Variants in FAM168A observed in about 807,000 individuals in gnomAD.
FAM168A encodes family with sequence similarity 168 member A.
A neutral mutation model predicts 28.5 loss-of-function variants in FAM168A; 3 were observed. That is an observed-to-expected ratio of 0.11 (90% confidence interval 0.05 to 0.27). The LOEUF (loss-of-function observed/expected upper bound fraction) is 0.27. FAM168A is among the 10% of genes least tolerant of loss of function. The pLI is 1.00. For synonymous variants in FAM168A, 122 were observed against 124.2 expected, an observed-to-expected ratio of 0.98 and a Z score of 0.12; for missense variants, 222 against 311.5, an observed-to-expected ratio of 0.71 and a Z score of 2.16.
chr11:73,494,221 C>A (rs959502261), intron 1 of FAM168A, among the ~76,000 whole-genome samples: 2 of 152,086 alleles, frequency 1.3e-5, no homozygotes, highest in Non-Finnish European at 2.9e-5. Context: ...TTAATTTAAG[C>A]CCTTCATTTT....
intron 1 of FAM168A, among the ~76,000 whole-genome samples, chr11:73,545,002 A>T (rs1328195442): frequency 1.2e-5 from 1 of 80,764 alleles, no homozygotes; most frequent in African/African-American, 7.9e-5. Flanking sequence ...TAGTATATAT[A>T]ATATACTATA....
rs182180860 is a variant in FAM168A, at chr11:73,455,530, A to G, written c.70+12875T>C. 2.2e-4 allele frequency among the ~76,000 whole-genome samples: 34 copies of G among 152,294 alleles called. No individual in the cohort carries two copies. The East Asian group carries it at 6.4e-3, about 28-fold the overall frequency. On this transcript the variant is annotated intron_variant, in intron 2 of 7. Coordinates refer to ENST00000356467, the MANE Select transcript of FAM168A (RefSeq NM_015159.3). The stretch of plus-strand genomic sequence containing the variant: ...GAATACAGTGGCACATCCCTCTGAG[A>G]TAGTATTTGTCTCAGTGTATTCTGT...
intron 1 of FAM168A, among the ~76,000 whole-genome samples, chr11:73,539,267 A>ATTTTTT (rs140148477): frequency 2.0e-5 from 3 of 152,036 alleles, no homozygotes; most frequent in Middle Eastern, 3.4e-3. Context: ...TTATTTATTT[A>ATTTTTT]TTTTTTTATT....
At chr11:73,481,643 G>A (rs1281372518) in intron 1 of FAM168A, among the ~76,000 whole-genome samples, 1 of 152,026 alleles carries the variant, frequency 6.6e-6, no homozygotes, top group Non-Finnish European at 1.5e-5. Flanking sequence ...TATCTCCTTA[G>A]TCCAATAAAG....
intron 1 of FAM168A, among the ~76,000 whole-genome samples, chr11:73,500,195 A>G (rs1331298928): frequency 6.6e-6 from 1 of 151,958 alleles, no homozygotes; most frequent in Non-Finnish European, 1.5e-5. Context: ...TCTTCAAGCC[A>G]GAAGAGATTG....
At chr11:73,436,398 GCTTA>G in intron 2 of FAM168A, among the ~76,000 whole-genome samples, 1 of 152,216 alleles carries the variant, frequency 6.6e-6, no homozygotes, top group South Asian at 2.1e-4. Context: ...AGACAAAGAG[GCTTA>G]CTTCTTTGTG....
chr11:73,435,091 T>C (rs1867065177), intron 2 of FAM168A, among the ~76,000 whole-genome samples: 8 of 152,254 alleles, frequency 5.3e-5, no homozygotes, highest in Admixed American at 5.2e-4. Context: ...TAAAAGCTTC[T>C]TTGGGATTTG....
At chr11:73,459,879 ATTTTTTTTT>A (rs918564469) in intron 2 of FAM168A, among the ~76,000 whole-genome samples, 1 of 108,456 alleles carries the variant, frequency 9.2e-6, no homozygotes, top group Non-Finnish European at 1.8e-5. Flanking sequence ...ATCCAAATGA[ATTTTTTTTT>A]TTTTTTTTTT....
At chr11:73,431,382 A>C (rs559575149) in intron 2 of FAM168A, among the ~76,000 whole-genome samples, 2 of 149,646 alleles carry the variant, frequency 1.3e-5, no homozygotes, top group East Asian at 3.9e-4. Flanking sequence ...TGGAAGCAAC[A>C]TTGAAGTTTA....
At chr11:73,542,435 T>C (rs1228135115) in intron 1 of FAM168A, among the ~76,000 whole-genome samples, 1 of 152,206 alleles carries the variant, frequency 6.6e-6, no homozygotes, top group Non-Finnish European at 1.5e-5. Context: ...ATAATCCTCA[T>C]CTAATCTATC....
chr11:73,547,063 T>C (rs995064683), intron 1 of FAM168A, among the ~76,000 whole-genome samples: 10 of 143,540 alleles, frequency 7.0e-5, no homozygotes, highest in African/African-American at 7.8e-5. Context: ...GGTGGGAAGA[T>C]TGCTTGAGCC....
intron 1 of FAM168A, among the ~76,000 whole-genome samples, chr11:73,581,040 A>C (rs10501411): frequency 0.11 from 16,403 of 152,234 alleles, 995 homozygotes; most frequent in African/African-American, 0.15. Flanking sequence ...TCTTCAGGTA[A>C]ATTCTGTCAC....
chr11:73,478,040 G>T (rs1390882594), intron 1 of FAM168A, among the ~76,000 whole-genome samples: 1 of 152,116 alleles, frequency 6.6e-6, no homozygotes, highest in Non-Finnish European at 1.5e-5. Context: ...CTATAAAACT[G>T]AATTGTTGGC....
chr11:73,486,978 T>C (rs917764331), intron 1 of FAM168A, among the ~76,000 whole-genome samples: 2 of 152,188 alleles, frequency 1.3e-5, no homozygotes, highest in Admixed American at 1.3e-4. Context: ...ATTTATATCA[T>C]CCACATTGAT....
intron 1 of FAM168A, among the ~76,000 whole-genome samples, chr11:73,561,619 T>C (rs1220300505): frequency 6.6e-6 from 1 of 152,190 alleles, no homozygotes; most frequent in East Asian, 1.9e-4. Flanking sequence ...CCCTAATAAG[T>C]ACATTAAAAT....
At chr11:73,415,450 C>T (rs1051463668) in intron 4 of FAM168A, among the ~76,000 whole-genome samples, 1 of 152,196 alleles carries the variant, frequency 6.6e-6, no homozygotes, top group African/African-American at 2.4e-5. Context: ...GGAGAAACTG[C>T]CTGGGGGCCC....
chr11:73,535,663 C>T (rs139900301), intron 1 of FAM168A, among the ~76,000 whole-genome samples: 1,969 of 151,724 alleles, frequency 0.013, 17 homozygotes, highest in Non-Finnish European at 0.021. Context: ...TCATGATCTG[C>T]CTGCCTTGGC....
At position 73,469,765 on chromosome 11, in the gene FAM168A, AGTTAAACTT is replaced by A. The variant is rs555423684; in HGVS notation, c.-18-1282_-18-1274del. Among the ~76,000 whole-genome samples the A allele has an allele frequency of 6.2e-4, 95 of 152,340 alleles. 2 individuals are homozygous for A. The South Asian group carries it at 0.019, about 31-fold the overall frequency. ...GTTAAAGGAGTTATATATATATTTC[AGTTAAACTT>A]AAGGGAAAAAAATATTCTCACAGCC... On this transcript the variant is annotated intron_variant, in intron 1 of 7. Transcript: ENST00000356467.
chr11:73,507,635 T>A (rs1055113612), intron 1 of FAM168A, among the ~76,000 whole-genome samples: 3 of 152,150 alleles, frequency 2.0e-5, no homozygotes, highest in Admixed American at 6.5e-5. Context: ...TTAAAAAAAA[T>A]TTCAAGTCCT....
Sources: allele counts gnomAD v4.1 joint callset (sites outside exome capture counted in the v4.1 genomes callset), GRCh38; gene constraint gnomAD v4.1.1; transcripts MANE v1.5; gene names NCBI Gene and HGNC (gene_info 2026-07-23, HGNC 2026-07-21).